The following SH3RF2 variants were observed in gnomAD, a reference collection of about 807,000 sequenced individuals.
The protein encoded by SH3RF2 is SH3 domain containing ring finger 2.
SH3RF2 carries 43 observed loss-of-function variants against 59.0 expected under a neutral mutation model. That is an observed-to-expected ratio of 0.73 (90% CI 0.57 to 0.94). The LOEUF is 0.94. Ranked by LOEUF, SH3RF2 falls within the 40% of genes least tolerant of loss-of-function variation. The probability of loss-of-function intolerance (pLI) is 0.00; values close to 1 mark genes in which losing one functional copy is unlikely to be tolerated. For missense variants in SH3RF2, 930 were observed against 940.1 expected (o/e 0.99, Z 0.14); for synonymous variants, 391 against 391.5 (o/e 1.00, Z 0.01).
At chr5:146,040,001 TC>T (rs1179528000) in intron 5 of SH3RF2, among the ~76,000 whole-genome samples, 1 of 152,222 alleles carries the variant, frequency 6.6e-6, no homozygotes, top group Non-Finnish European at 1.5e-5. Context: ...GTGAGTCCAT[TC>T]ATACAATGTT....
Position 145,941,351 on chromosome 5 carries a change from C to T in SH3RF2, c.378+3045C>T, listed in dbSNP as rs78707347. ...AGAGAGAAAAAAATTGCCTATTGTGCCTACATGTCTAAAACCCTCCCTAGA... is the reference window on the plus strand; with the variant it reads ...AGAGAGAAAAAAATTGCCTATTGTGTCTACATGTCTAAAACCCTCCCTAGA... On this transcript the variant is annotated intron_variant, in intron 2 of 9. Coordinates refer to ENST00000359120, the MANE Select transcript of SH3RF2 (RefSeq NM_152550.4). 4.5e-3 allele frequency among the ~76,000 whole-genome samples: 686 copies of T among 152,254 alleles called. 13 individuals carry two copies. The highest frequency in any genetic ancestry group is 0.015 in the African/African-American group (621 of 41,538).
At chr5:145,999,289 T>C (rs1407961669) in intron 2 of SH3RF2, among the ~76,000 whole-genome samples, 1 of 152,228 alleles carries the variant, frequency 6.6e-6, no homozygotes, top group Admixed American at 6.5e-5. Flanking sequence ...GTCTGTTGTG[T>C]CTGGTTTGAT....
intron 2 of SH3RF2, among the ~76,000 whole-genome samples, chr5:145,974,490 A>T (rs1482363212): frequency 6.6e-6 from 1 of 152,188 alleles, no homozygotes; most frequent in Non-Finnish European, 1.5e-5. Context: ...AAGAAAAGAA[A>T]AATGGAGGAG....
At chr5:146,064,864 G>GAAAGAAAAGAA (rs59357428), downstream of SH3RF2, among the ~76,000 whole-genome samples, 3 of 69,090 alleles carry the variant, frequency 4.3e-5, no homozygotes, top group African/African-American at 1.7e-4. Flanking sequence ...AAGAAAGAAA[G>GAAAGAAAAGAA]AGAAAGAAAA....
chr5:146,005,917 G>A (rs1760626550), intron 4 of SH3RF2, among the ~76,000 whole-genome samples: 1 of 150,778 alleles, frequency 6.6e-6, no homozygotes, highest in Non-Finnish European at 1.5e-5. Flanking sequence ...GGTAGTCAGA[G>A]CTCCCAGGGG....
Position 146,062,504 on chromosome 5 carries a change from C to T in SH3RF2, c.1993C>T (p.Pro665Ser). ...CACCTCCCATCCCACCTCCGGAAAG[C>T]CTGAACAGCCAGCCACCCTCAAGGC... is the stretch of plus-strand genomic sequence containing the variant. ...HYTSHPTSGK[P>S]EQPATLKASQ... The change falls in exon 10 of 10, where the codon CCT becomes TCT. Residue 665 changes from proline (P) to serine (S), a missense_variant. Physicochemically the swap from Pro to Ser is moderately conservative, Grantham distance 74. Transcript: ENST00000359120. The T allele has an allele frequency of 6.2e-7, 1 of 1,614,216 alleles. No homozygotes were observed. The highest frequency in any genetic ancestry group is 8.5e-7 in the Non-Finnish European group (1 of 1,180,034).
chr5:146,072,936 G>A (rs906685449), intron 9 of SH3RF2, among the ~76,000 whole-genome samples: 1 of 152,218 alleles, frequency 6.6e-6, no homozygotes, highest in African/African-American at 2.4e-5. Flanking sequence ...TGGGGATTAA[G>A]TGAGACAATG....
intron 2 of SH3RF2, among the ~76,000 whole-genome samples, chr5:145,994,263 G>A (rs1760064422): frequency 6.6e-6 from 1 of 152,162 alleles, no homozygotes; most frequent in Non-Finnish European, 1.5e-5. Flanking sequence ...AAGTCTCTAG[G>A]AAGTTCCAAA....
exon 10 of SH3RF2, chr5:146,081,349 C>G (rs1045905308): frequency 1.2e-4 from 18 of 152,014 alleles, no homozygotes; most frequent in African/African-American, 4.1e-4. Context: ...ACCCTAAGCC[C>G]CCTCCCTTCA....
In SH3RF2 at chr5:146,004,097, T is replaced by A; in HGVS notation, c.688T>A (p.Trp230Arg). 1 of 1,613,238 alleles carries A rather than the reference T, an allele frequency of 6.2e-7. No individual in the cohort carries two copies. The highest frequency in any genetic ancestry group is 1.3e-5 in the African/African-American group (1 of 75,022). ...ITVISRVDEN[W>R]AEGKLGDKVG... Reference sequence around the variant, plus strand: ...TGTGATCAGCCGAGTGGATGAGAACTGGGCAGAAGGCAAGTTAGGAGATAA... The same window carrying A: ...TGTGATCAGCCGAGTGGATGAGAACAGGGCAGAAGGCAAGTTAGGAGATAA... The change falls in exon 4 of 10, where the codon TGG becomes AGG. Residue 230 changes from tryptophan to arginine, a missense_variant. Transcript: ENST00000359120.
chr5:145,974,299 A>G, intron 2 of SH3RF2, among the ~76,000 whole-genome samples: 1 of 152,186 alleles, frequency 6.6e-6, no homozygotes. Flanking sequence ...TAGGGTAGTG[A>G]TATCTCATCA....
At chr5:145,977,190 G>A (rs538655370) in intron 2 of SH3RF2, among the ~76,000 whole-genome samples, 7 of 152,182 alleles carry the variant, frequency 4.6e-5, no homozygotes, top group Non-Finnish European at 8.8e-5. Flanking sequence ...TCTTAGGCCC[G>A]ACTACCTCCT....
chr5:145,962,888 CT>C (rs1168517787), intron 2 of SH3RF2, among the ~76,000 whole-genome samples: 7,578 of 104,422 alleles, frequency 0.073, 198 homozygotes, highest in East Asian at 0.14. Flanking sequence ...TATTATTCCA[CT>C]TTTTTTTTTT....
intron 2 of SH3RF2, among the ~76,000 whole-genome samples, chr5:145,941,206 A>T (rs2149938233): frequency 6.6e-6 from 1 of 152,190 alleles, no homozygotes; most frequent in Admixed American, 6.5e-5. Context: ...GCTCACCTAG[A>T]CTCATCTAAA....
intron 2 of SH3RF2, among the ~76,000 whole-genome samples, chr5:145,953,208 G>A (rs1473108015): frequency 6.6e-6 from 1 of 151,904 alleles, no homozygotes; most frequent in Non-Finnish European, 1.5e-5. Flanking sequence ...TATAGACAAG[G>A]GTATGAAATG....
At chr5:145,958,415 A>C (rs1580771435) in intron 2 of SH3RF2, among the ~76,000 whole-genome samples, 1 of 152,160 alleles carries the variant, frequency 6.6e-6, no homozygotes, top group South Asian at 2.1e-4. Flanking sequence ...GCACTCAGTG[A>C]CAGGTTTTCA....
At chr5:146,009,326 G>A (rs1301274777) in intron 4 of SH3RF2, among the ~76,000 whole-genome samples, 1 of 151,822 alleles carries the variant, frequency 6.6e-6, no homozygotes, top group African/African-American at 2.4e-5. Context: ...TTGTGATCTG[G>A]CCCCTGCCTG....
intron 2 of SH3RF2, among the ~76,000 whole-genome samples, chr5:145,964,136 C>T (rs112818763): frequency 0.079 from 11,943 of 151,434 alleles, 1,586 homozygotes; most frequent in African/African-American, 0.27. Context: ...CCGGCCTCTT[C>T]CTTTCTTTCC....
At chr5:146,047,576 C>T (rs975894190) in intron 5 of SH3RF2, among the ~76,000 whole-genome samples, 196 bp from the exon 6 acceptor site, 1 of 152,050 alleles carries the variant, frequency 6.6e-6, no homozygotes, top group African/African-American at 2.4e-5. Flanking sequence ...GCCACCCCAC[C>T]AGGCCATAAA....
Sources: allele counts gnomAD v4.1 joint callset (sites outside exome capture counted in the v4.1 genomes callset), GRCh38; gene constraint gnomAD v4.1.1; transcripts MANE v1.5; gene names NCBI Gene and HGNC (gene_info 2026-07-23, HGNC 2026-07-21).